Variants in IGFL4 observed in about 807,000 individuals in gnomAD.
IGFL4 encodes the protein insulin growth factor-like family member 4.
Under a neutral mutation model 15.4 loss-of-function variants are expected in IGFL4, and 12 were observed. That is an observed-to-expected ratio of 0.78 (90% CI 0.50 to 1.26). The LOEUF is 1.26. Ranked by LOEUF, IGFL4 falls within the 50% of genes most tolerant of loss-of-function variation. The probability of loss-of-function intolerance (pLI) is 0.00; values close to 1 mark genes in which losing one functional copy is unlikely to be tolerated. For missense variants in IGFL4, 126 were observed against 147.8 expected, an observed-to-expected ratio of 0.85 and a Z score of 0.76; for synonymous variants, 54 against 55.9, an observed-to-expected ratio of 0.97 and a Z score of 0.16.
At chr19:46,077,556 T>C (rs557344371), upstream of IGFL4, among the ~76,000 whole-genome samples, 4 of 152,254 alleles carry the variant, frequency 2.6e-5, no homozygotes, top group East Asian at 7.7e-4. This position sits in a 1 kb window ranked among gnomAD's most constrained non-coding sequence, Gnocchi z 5.4. Context: ...GAGCGTCTGG[T>C]AGTCGCAATA....
At chr19:46,042,236 A>C (rs888149477), upstream of IGFL4, among the ~76,000 whole-genome samples, 1 of 152,198 alleles carries the variant, frequency 6.6e-6, no homozygotes, top group Non-Finnish European at 1.5e-5. Flanking sequence ...GCGTATTTGC[A>C]TAGATATGTC....
rs1490845163 is a variant in IGFL4 at position 46,072,272 on chromosome 19, C to G, written c.-432+4748G>C. ...CAACGGAAGTGCAAGTAGCAAGGAT[C>G]TGAGTATAGCACAGCAGTTCCGCAG... On this transcript the variant is annotated intron_variant, in intron 1 of 5. Coordinates refer to the IGFL4 transcript ENST00000601672. Among the ~76,000 whole-genome samples, 7 of 152,306 alleles carry G rather than the reference C, an allele frequency of 4.6e-5. No individual in the cohort carries two copies. The East Asian group carries it at 1.4e-3, about 29-fold the overall frequency.
At chr19:46,042,957 C>A (rs1969260792), upstream of IGFL4, among the ~76,000 whole-genome samples, 1 of 152,174 alleles carries the variant, frequency 6.6e-6, no homozygotes, top group East Asian at 1.9e-4. Flanking sequence ...AGTGTTCTGC[C>A]ATGACATACA....
At chr19:46,066,120 G>T (rs1480722253) in intron 1 of IGFL4, among the ~76,000 whole-genome samples, 1 of 152,154 alleles carries the variant, frequency 6.6e-6, no homozygotes, top group East Asian at 1.9e-4. Context: ...GCCACAGGGA[G>T]CCAGCACCTA....
chr19:46,059,939 T>C (rs1438153574), intron 2 of IGFL4: 1 of 152,150 alleles, frequency 6.6e-6, no homozygotes, highest in Non-Finnish European at 1.5e-5. Flanking sequence ...GAAAGTGACA[T>C]TCTTTACTTA....
At chr19:46,057,412 T>A (rs1355247284) in intron 2 of IGFL4, among the ~76,000 whole-genome samples, 1 of 152,178 alleles carries the variant, frequency 6.6e-6, no homozygotes, top group African/African-American at 2.4e-5. Context: ...AAACTTTTTG[T>A]ATCCAGAAAC....
upstream of IGFL4, among the ~76,000 whole-genome samples, chr19:46,045,443 C>CAAAAAAA (rs34422465): frequency 9.9e-6 from 1 of 101,110 alleles, no homozygotes; most frequent in Admixed American, 1.0e-4. Flanking sequence ...AACTCTGTCT[C>CAAAAAAA]AAAAAAAAAA....
At chr19:46,053,616 C>CT (rs1969368143) in intron 2 of IGFL4, among the ~76,000 whole-genome samples, 1 of 152,026 alleles carries the variant, frequency 6.6e-6, no homozygotes, top group African/African-American at 2.4e-5. Context: ...TACTGATTTC[C>CT]TTTTTTGTGT....
chr19:46,042,131 ACT>A (rs1491322592), upstream of IGFL4, among the ~76,000 whole-genome samples: 101,529 of 151,496 alleles, frequency 0.67, 34,585 homozygotes, highest in East Asian at 0.86. Flanking sequence ...GCTTATTTGC[ACT>A]CCAGCCTGGC....
chr19:46,053,449 G>A (rs759065379), intron 2 of IGFL4, among the ~76,000 whole-genome samples: 3 of 152,176 alleles, frequency 2.0e-5, no homozygotes, highest in Middle Eastern at 3.4e-3. Flanking sequence ...TCCTGGCCTC[G>A]AGTGATCCCA....
chr19:46,063,952 A>G (rs1969470546), intron 1 of IGFL4, among the ~76,000 whole-genome samples: 1 of 152,058 alleles, frequency 6.6e-6, no homozygotes, highest in Non-Finnish European at 1.5e-5. Context: ...CGTGCCTGTA[A>G]TCCCAGCTAC....
exon 2 of IGFL4, chr19:46,060,267 T>C (rs991833051): frequency 2.0e-5 from 3 of 152,200 alleles, no homozygotes; most frequent in Non-Finnish European, 2.9e-5. Context: ...AAGCTGTCAG[T>C]AGCTCAAAAG....
At chr19:46,064,362 A>G (rs1325360314) in intron 1 of IGFL4, among the ~76,000 whole-genome samples, 1 of 152,128 alleles carries the variant, frequency 6.6e-6, no homozygotes, top group African/African-American at 2.4e-5. Flanking sequence ...TATTGACTAT[A>G]GTCACTCTGC....
chr19:46,069,631 G>A (rs542510075), intron 1 of IGFL4, among the ~76,000 whole-genome samples: 11 of 152,118 alleles, frequency 7.2e-5, no homozygotes, highest in African/African-American at 2.7e-4. Context: ...AATTCTCATG[G>A]CTGCCTAGAT....
chr19:46,045,686 G>A (rs968755398), upstream of IGFL4, among the ~76,000 whole-genome samples: 6 of 151,970 alleles, frequency 3.9e-5, no homozygotes, highest in Admixed American at 6.6e-5. Context: ...CTTAAAGACC[G>A]TCCTTCTGAA....
chr19:46,052,866 GT>G lies in IGFL4; in HGVS notation c.-323+7318del, dbSNP rs5828264. 9.2e-4 allele frequency among the ~76,000 whole-genome samples: 111 copies of G among 120,540 alleles called. 2 individuals are homozygous for G. The highest frequency in any genetic ancestry group is 2.5e-3 in the East Asian group (11 of 4,336). The allele number at this position is 120,540 out of a possible 152,430, so 79.1% of individuals were successfully genotyped here. ...TCTACAGGTATTTATATGTTATCTC[GT>G]TTTTTTTTTTTTTTTGGAAATGCTT... is the stretch of plus-strand genomic sequence containing the variant. On this transcript the variant is annotated intron_variant, in intron 2 of 5. Transcript: ENST00000601672.
chr19:46,040,691 G>T lies in IGFL4; in HGVS notation c.20-123C>A. The T allele has an allele frequency of 8.5e-7, 1 of 1,172,230 alleles. No homozygotes were observed. Among genetic ancestry groups the T allele is most frequent in the Non-Finnish European group, 1.3e-6 (1 of 799,638 alleles). The allele number at this position is 1,172,230 out of a possible 1,614,324, so 72.6% of individuals were successfully genotyped here. A position where few individuals can be genotyped will look rare whatever the true frequency, so the allele number is the denominator to read the frequency against. On this transcript the variant is annotated intron_variant, in intron 1 of 3. Transcript: ENST00000377697. The surrounding 1 kb of genome is among the most constrained non-coding windows in gnomAD (Gnocchi z 4.1). ...CAGCTCAGAGTGGATTTTGGGACTG[G>T]CTGTGGGTGCAGGTCCTGGGGACTG... is the stretch of plus-strand genomic sequence containing the variant.
At chr19:46,043,078 T>A (rs528296564), upstream of IGFL4, among the ~76,000 whole-genome samples, 31 of 152,284 alleles carry the variant, frequency 2.0e-4, no homozygotes, top group Admixed American at 5.9e-4. Flanking sequence ...CGGGAACTAA[T>A]AAGTAAATTT....
At chr19:46,067,674 G>C (rs1332973766) in intron 1 of IGFL4, among the ~76,000 whole-genome samples, 1 of 152,140 alleles carries the variant, frequency 6.6e-6, no homozygotes, top group Non-Finnish European at 1.5e-5. Flanking sequence ...AAAGAGTGAT[G>C]AACAAGCAGA....
Sources: gnomAD v4.1 joint callset for allele counts (sites outside exome capture counted in the v4.1 genomes callset) on GRCh38, gnomAD v4.1.1 for gene constraint, Gnocchi (gnomAD v3.1) non-coding constraint, MANE v1.5 for transcripts, NCBI Gene and HGNC (gene_info 2026-07-23, HGNC 2026-07-21) for gene names.